The following NMNAT3 variants were observed in gnomAD, a reference collection of about 807,000 sequenced individuals.
NMNAT3 encodes the protein nicotinamide/nicotinic acid mononucleotide adenylyltransferase 3.
Under a neutral mutation model 24.8 loss-of-function variants are expected in NMNAT3, and 21 were observed. That is an observed-to-expected ratio of 0.85 (90% CI 0.60 to 1.22). The LOEUF (loss-of-function observed/expected upper bound fraction) is 1.22. Ranked by LOEUF, NMNAT3 falls within the 50% of genes most tolerant of loss-of-function variation. The pLI, the probability that NMNAT3 is intolerant of heterozygous loss-of-function variation, is 0.00. For missense variants in NMNAT3, 387 were observed against 436.6 expected (o/e 0.89, Z 1.01); for synonymous variants, 136 against 155.2 (o/e 0.88, Z 0.92).
intron 3 of NMNAT3, among the ~76,000 whole-genome samples, chr3:139,586,599 T>C (rs2053949964): frequency 6.6e-6 from 1 of 152,196 alleles, no homozygotes; most frequent in Non-Finnish European, 1.5e-5. Context: ...TCATATTCAG[T>C]TTTTGACTCC....
intron 3 of NMNAT3, chr3:139,584,578 C>T (rs1328049633): frequency 6.6e-6 from 1 of 152,138 alleles, no homozygotes; most frequent in East Asian, 1.9e-4. Flanking sequence ...CTGTTTTGAT[C>T]CATGACTTAT....
In NMNAT3 at chr3:139,583,102, A is replaced by G. The variant is rs2053742510; in HGVS notation, c.216T>C (p.Val72=). 6.4e-7 allele frequency: 1 copy of G among 1,569,252 alleles called. No homozygotes were observed. Among genetic ancestry groups the G allele is most frequent in the South Asian group, 1.1e-5 (1 of 88,330 alleles). Residue 72 remains valine, a synonymous_variant, in exon 4 of 7, where the codon GTT becomes GTC. Coordinates refer to ENST00000643695, the MANE Select transcript of NMNAT3 (RefSeq NM_001320510.2). ...TGTCAGGGTCATCATTTTTGCTGCT[A>G]ACATTATTTTGAATCCTTTTTTGCA...
chr3:139,586,212 G>A (rs1158045935), intron 3 of NMNAT3, among the ~76,000 whole-genome samples: 1 of 152,142 alleles, frequency 6.6e-6, no homozygotes, highest in Admixed American at 6.5e-5. Flanking sequence ...AATACACACT[G>A]GGGTCTACTT....
chr3:139,659,080 C>A (rs1343567389), intron 1 of NMNAT3, among the ~76,000 whole-genome samples: 1 of 152,240 alleles, frequency 6.6e-6, no homozygotes, highest in Non-Finnish European at 1.5e-5. Context: ...GGTTCACTCA[C>A]ATTGTTCTGT....
intron 3 of NMNAT3, among the ~76,000 whole-genome samples, chr3:139,619,364 G>T (rs1227905065): frequency 1.3e-5 from 2 of 152,092 alleles, no homozygotes; most frequent in African/African-American, 4.8e-5. Flanking sequence ...GGTGATTGAG[G>T]TCATATGTGA....
intron 1 of NMNAT3, among the ~76,000 whole-genome samples, chr3:139,654,712 G>C (rs1451172930): frequency 6.6e-6 from 1 of 152,134 alleles, no homozygotes; most frequent in African/African-American, 2.4e-5. Context: ...TGCATTATAG[G>C]ATTTATGTTA....
chr3:139,604,258 TTAAG>T (rs1349034505), intron 3 of NMNAT3, among the ~76,000 whole-genome samples: 1 of 152,162 alleles, frequency 6.6e-6, no homozygotes, highest in Non-Finnish European at 1.5e-5. Context: ...CAGCACAAAA[TTAAG>T]TTTTATTGCT....
At chr3:139,656,291 G>A (rs2057238801) in intron 1 of NMNAT3, among the ~76,000 whole-genome samples, 1 of 152,232 alleles carries the variant, frequency 6.6e-6, no homozygotes, top group South Asian at 2.1e-4. Flanking sequence ...TGACAGAGTA[G>A]CATGTAAATG....
intron 1 of NMNAT3, among the ~76,000 whole-genome samples, chr3:139,658,183 C>T (rs146328982): frequency 1.6e-4 from 24 of 152,236 alleles, no homozygotes; most frequent in Non-Finnish European, 2.5e-4. Flanking sequence ...GCTTCTACAG[C>T]GCTCCTTTCC....
In NMNAT3 at chr3:139,560,892, G is replaced by A; in HGVS notation, c.*118C>T. 5.9e-6 allele frequency: 6 copies of A among 1,021,468 alleles called. No homozygotes were observed. In the South Asian group the frequency reaches 9.4e-5, roughly 16 times the overall value. The allele number at this position is 1,021,468 out of a possible 1,614,324, so 63.3% of individuals were successfully genotyped here. On this transcript the variant is annotated 3_prime_UTR_variant, in exon 7 of 7. Transcript: ENST00000643695. ...AAGACTCCTCAGAAGTAGAATCACT[G>A]TAGAAATAAAGCAAATGAAAAATGG...
intron 3 of NMNAT3, among the ~76,000 whole-genome samples, chr3:139,606,102 C>A (rs1431963658): frequency 6.6e-6 from 1 of 152,116 alleles, no homozygotes; most frequent in Non-Finnish European, 1.5e-5. Context: ...ACTTAAATAA[C>A]CATGGTACAG....
At chr3:139,672,963 T>C (rs1162011926) in intron 1 of NMNAT3, among the ~76,000 whole-genome samples, 1 of 152,144 alleles carries the variant, frequency 6.6e-6, no homozygotes, top group Non-Finnish European at 1.5e-5. Flanking sequence ...TCTGCATGGG[T>C]AGGATCACTG....
intron 5 of NMNAT3, among the ~76,000 whole-genome samples, chr3:139,576,914 G>C (rs1939395033): frequency 6.6e-6 from 1 of 151,868 alleles, no homozygotes; most frequent in Non-Finnish European, 1.5e-5. Context: ...AAAATTAGCT[G>C]GGCATGGTGG....
intron 3 of NMNAT3, among the ~76,000 whole-genome samples, chr3:139,604,495 C>G (rs1181640135): frequency 6.6e-6 from 1 of 152,152 alleles, no homozygotes; most frequent in East Asian, 1.9e-4. Flanking sequence ...TCTCTTTAAT[C>G]CTTTTAACTC....
At chr3:139,663,963 T>C (rs1269769748) in intron 1 of NMNAT3, among the ~76,000 whole-genome samples, 1 of 152,012 alleles carries the variant, frequency 6.6e-6, no homozygotes, top group Non-Finnish European at 1.5e-5. Flanking sequence ...AGTCAACTAC[T>C]GTGTTTTTTC....
At position 139,643,810 on chromosome 3, in the gene NMNAT3, C is replaced by T. The variant is rs115702624; in HGVS notation, c.-140-5748G>A. On this transcript the variant is annotated intron_variant, in intron 1 of 6. Transcript: ENST00000643695. ...GTTCTGAAGATTGCTTGCACAACAA[C>T]ATCAATGCATTTATTACACACTTAA... Among the ~76,000 whole-genome samples the T allele has an allele frequency of 1.9e-3, 291 of 152,290 alleles. 3 individuals are homozygous for T. The highest frequency in any genetic ancestry group is 6.8e-3 in the African/African-American group (282 of 41,566).
chr3:139,621,031 C>G (rs2055747373), intron 3 of NMNAT3, among the ~76,000 whole-genome samples: 1 of 152,158 alleles, frequency 6.6e-6, no homozygotes, highest in South Asian at 2.1e-4. Context: ...CATCCTCTCA[C>G]CTCAGACTCC....
intron 3 of NMNAT3, among the ~76,000 whole-genome samples, chr3:139,616,784 G>C (rs1173849177): frequency 1.3e-5 from 2 of 152,204 alleles, no homozygotes; most frequent in African/African-American, 2.4e-5. Context: ...CTGTGTGTGT[G>C]TGTATGTGCT....
intron 2 of NMNAT3, chr3:139,636,906 G>C (rs548983372): frequency 1.3e-5 from 2 of 152,306 alleles, no homozygotes; most frequent in African/African-American, 4.8e-5. Flanking sequence ...AAGAACATGA[G>C]GGCAAGAAGC....
Sources: allele counts gnomAD v4.1 joint callset (sites outside exome capture counted in the v4.1 genomes callset), GRCh38; gene constraint gnomAD v4.1.1; transcripts MANE v1.5; gene names NCBI Gene and HGNC (gene_info 2026-07-23, HGNC 2026-07-21).